The following ZNF131 variants were observed in gnomAD, a reference collection of about 807,000 sequenced individuals.
ZNF131 encodes zinc finger protein 131.
ZNF131 carries 7 observed loss-of-function variants against 60.0 expected under a neutral mutation model. That is an observed-to-expected ratio of 0.12 (90% CI 0.07 to 0.22). ZNF131 has a LOEUF of 0.22. Among genes scored for constraint, ZNF131 ranks in the 10% least tolerant of loss-of-function variants. The pLI is 1.00. For missense variants in ZNF131, 493 were observed against 740.9 expected, an observed-to-expected ratio of 0.67 and a Z score of 3.88; for synonymous variants, 257 against 253.2, an observed-to-expected ratio of 1.01 and a Z score of -0.14.
chr5:43,139,593 T>C (rs1458603816), intron 4 of ZNF131, among the ~76,000 whole-genome samples: 2 of 152,200 alleles, frequency 1.3e-5, no homozygotes, highest in African/African-American at 4.8e-5. Context: ...ATAAACTGTT[T>C]TGTTGGATTC....
chr5:43,149,705 G>A (rs781442424), intron 4 of ZNF131, among the ~76,000 whole-genome samples: 50 of 152,116 alleles, frequency 3.3e-4, no homozygotes, highest in Non-Finnish European at 5.7e-4. Context: ...TACTTGATAT[G>A]GTCAGGCTTT....
intron 4 of ZNF131, among the ~76,000 whole-genome samples, chr5:43,153,463 TAAAAA>T (rs35596507): frequency 8.2e-5 from 5 of 61,160 alleles, no homozygotes; most frequent in South Asian, 7.3e-4. Flanking sequence ...CCATCTCTAC[TAAAAA>T]AAAAAAAAAA....
Position 43,123,114 on chromosome 5 carries a change from A to C in ZNF131, c.125-95A>C, listed in dbSNP as rs188317573. The C allele has an allele frequency of 4.0e-4, 353 of 891,294 alleles. No homozygotes were observed. The African/African-American group carries it at 4.2e-3, about 11-fold the overall frequency. 55.2% of individuals were successfully genotyped at this position (891,294 alleles called of 1,614,324 possible). A position where few individuals can be genotyped will look rare whatever the true frequency, so the allele number is the denominator to read the frequency against. On this transcript the variant is annotated intron_variant, in intron 2 of 6. Coordinates refer to ENST00000682664, the MANE Select transcript of ZNF131 (RefSeq NM_001330707.2). ...GTAGTTACGTAATGAAGGAAGACCT[A>C]TTTTGCTTTATATGATTTTTAAGTC...
At chr5:43,156,268 G>A (rs1338550824) in intron 4 of ZNF131, among the ~76,000 whole-genome samples, 1 of 152,206 alleles carries the variant, frequency 6.6e-6, no homozygotes, top group Non-Finnish European at 1.5e-5. Flanking sequence ...TGGAAAAGTG[G>A]TATGGTGAGT....
Position 43,134,347 on chromosome 5 carries a change from A to G in ZNF131, c.227-4818A>G, listed in dbSNP as rs148312255. Reference sequence around the variant, plus strand: ...ACCCTTTCTCAGTAAAAACTCTTAAACAAACGAGGAATAGAAGGAAATTAT... The same window carrying G: ...ACCCTTTCTCAGTAAAAACTCTTAAGCAAACGAGGAATAGAAGGAAATTAT... On this transcript the variant is annotated intron_variant, in intron 3 of 6. Coordinates refer to ENST00000682664, the MANE Select transcript of ZNF131 (RefSeq NM_001330707.2). 1.7e-3 allele frequency among the ~76,000 whole-genome samples: 253 copies of G among 152,172 alleles called. 1 individual carries two copies. Among genetic ancestry groups the G allele is most frequent in the African/African-American group, 5.8e-3 (240 of 41,558 alleles).
At chr5:43,150,678 G>C (rs1348402436) in intron 4 of ZNF131, among the ~76,000 whole-genome samples, 1 of 152,172 alleles carries the variant, frequency 6.6e-6, no homozygotes, top group Non-Finnish European at 1.5e-5. Context: ...TGTAATCCCA[G>C]CTACTCAGGA....
intron 4 of ZNF131, among the ~76,000 whole-genome samples, chr5:43,158,521 C>G (rs1315645205): frequency 6.6e-6 from 1 of 152,034 alleles, no homozygotes; most frequent in Non-Finnish European, 1.5e-5. Flanking sequence ...AACTCCTGAC[C>G]TCAGTTGATC....
At position 43,121,933 on chromosome 5, in the gene ZNF131, C is replaced by G. The variant is rs952491990; in HGVS notation, c.-15-106C>G. On this transcript the variant is annotated intron_variant, in intron 1 of 6. Transcript: ENST00000682664. ...TCTCTCCTCTTGCTTCACCCTCCCC[C>G]CTTCTTTTCACGTTGCTGGTTTTTT... 10 of 1,240,212 alleles carry G rather than the reference C, an allele frequency of 8.1e-6. No individual in the cohort carries two copies. The East Asian group carries it at 1.1e-4, about 13-fold the overall frequency. 76.8% of individuals were successfully genotyped at this position (1,240,212 alleles called of 1,614,324 possible).
chr5:43,137,864 A>G (rs1198555792), intron 3 of ZNF131, among the ~76,000 whole-genome samples: 2 of 152,246 alleles, frequency 1.3e-5, no homozygotes, highest in Non-Finnish European at 1.5e-5. Context: ...AATGTAGTAT[A>G]TGTATCCAAT....
At position 43,175,009 on chromosome 5, in the gene ZNF131, A is replaced by G. The variant is rs376206770; in HGVS notation, c.1748A>G (p.Asp583Gly). ...NQEERESSQA[D>G]AAEAAREDHE... ...GAGGAGAGAGAGTCTAGCCAAGCAG[A>G]TGCTGCTGAGGCTGCCAGGGAAGAT... Residue 583 changes from aspartate to glycine, a missense_variant, in exon 7 of 7, where the codon GAT becomes GGT. Physicochemically the swap from Asp to Gly is moderately conservative, Grantham distance 94. Transcript: ENST00000682664. 1.4e-4 allele frequency: 228 copies of G among 1,614,034 alleles called. No individual in the cohort carries two copies. Among genetic ancestry groups the G allele is most frequent in the Non-Finnish European group, 1.9e-4 (223 of 1,180,028 alleles).
intron 1 of ZNF131, chr5:43,121,796 C>G (rs1362577082): frequency 3.3e-6 from 1 of 307,552 alleles, no homozygotes; most frequent in Non-Finnish European, 6.0e-6. Flanking sequence ...TGTGCCCACC[C>G]CGCTCTAGCT....
chr5:43,121,996 G>C, intron 1 of ZNF131, 43 bp from the exon 2 acceptor site: 1 of 1,584,014 alleles, frequency 6.3e-7, no homozygotes, highest in African/African-American at 1.4e-5. Context: ...TTGTTCCTCG[G>C]CTCGAGCTCA....
intron 5 of ZNF131, among the ~76,000 whole-genome samples, chr5:43,165,123 C>T (rs1381820971): frequency 6.6e-6 from 1 of 151,942 alleles, no homozygotes; most frequent in Non-Finnish European, 1.5e-5. Context: ...GCTAATTTTT[C>T]TGTTTTTTGT....
chr5:43,121,506 A>C (rs901279984), intron 1 of ZNF131: 5 of 152,438 alleles, frequency 3.3e-5, no homozygotes, highest in South Asian at 2.0e-4. Flanking sequence ...CCGGAGCTCG[A>C]CGCGGTGACG....
chr5:43,122,631 A>G (rs1744014693), intron 2 of ZNF131, among the ~76,000 whole-genome samples: 1 of 152,194 alleles, frequency 6.6e-6, no homozygotes, highest in African/African-American at 2.4e-5. Context: ...GAATCTCCAA[A>G]ATAAAATGGG....
rs1579727863 is a variant in ZNF131 at position 43,130,937 on chromosome 5, C to T, written c.226+7627C>T. Among the ~76,000 whole-genome samples the T allele has an allele frequency of 2.6e-5, 4 of 151,850 alleles. No individual in the cohort carries two copies. The South Asian group carries it at 8.3e-4, about 32-fold the overall frequency. ...GGAGTGCAGTGGCATGATCTCAGCT[C>T]ACTGCAACCTCCATCTCCCGGGTTC... On this transcript the variant is annotated intron_variant, in intron 3 of 6. Transcript: ENST00000682664.
intron 5 of ZNF131, among the ~76,000 whole-genome samples, chr5:43,172,017 G>T (rs776114450): frequency 2.9e-4 from 44 of 152,202 alleles, no homozygotes; most frequent in Non-Finnish European, 5.3e-4. Context: ...AGTGCTGCTG[G>T]GATTACAGGC....
intron 4 of ZNF131, among the ~76,000 whole-genome samples, chr5:43,153,356 G>C (rs1447730163): frequency 6.6e-6 from 1 of 150,742 alleles, no homozygotes; most frequent in Non-Finnish European, 1.5e-5. Context: ...CAGGCGCGGT[G>C]GTTAACGCCT....
In ZNF131 at chr5:43,175,692, G is replaced by T; in HGVS notation, c.*559G>T. On this transcript the variant is annotated 3_prime_UTR_variant, in exon 7 of 7. Transcript: ENST00000682664. ...AGATGCCATCTTTGCAACAGAAAGAGTGGTGGTGGCAAAATTTCTAGAATG... is the reference window on the plus strand; with the variant it reads ...AGATGCCATCTTTGCAACAGAAAGATTGGTGGTGGCAAAATTTCTAGAATG... 2 of 344,238 alleles carry T rather than the reference G, an allele frequency of 5.8e-6. No individual in the cohort carries two copies. The highest frequency in any genetic ancestry group is 2.2e-5 in the African/African-American group (1 of 45,172). 21.3% of individuals were successfully genotyped at this position (344,238 alleles called of 1,614,324 possible).
Sources: gnomAD v4.1 joint callset for allele counts (sites outside exome capture counted in the v4.1 genomes callset) on GRCh38, gnomAD v4.1.1 for gene constraint, MANE v1.5 for transcripts, NCBI Gene and HGNC (gene_info 2026-07-23, HGNC 2026-07-21) for gene names.